ZNF563: variants seen among roughly 807,000 people sequenced by gnomAD.
The protein encoded by ZNF563 is zinc finger protein 563.
In ZNF563, 39 loss-of-function variants were observed where a neutral mutation model predicts 48.5. The observed-to-expected ratio is 0.80, with a 90% confidence interval of 0.62 to 1.05. The LOEUF (loss-of-function observed/expected upper bound fraction) is 1.05. ZNF563 is among the 50% of genes least tolerant of loss of function. The probability of loss-of-function intolerance (pLI) is 0.00; values close to 1 mark genes in which losing one functional copy is unlikely to be tolerated. For missense variants in ZNF563, 538 were observed against 597.0 expected (o/e 0.90, Z 1.03); for synonymous variants, 168 against 187.9 (o/e 0.89, Z 0.87).
intron 1 of ZNF563, among the ~76,000 whole-genome samples, chr19:12,330,408 T>C (rs2145817792): frequency 6.6e-6 from 1 of 152,294 alleles, no homozygotes; most frequent in African/African-American, 2.4e-5. Flanking sequence ...TACTGAGAAA[T>C]GAACAACTGT....
chr19:12,323,570 G>A (rs1395166664), intron 1 of ZNF563, among the ~76,000 whole-genome samples: 1 of 152,214 alleles, frequency 6.6e-6, no homozygotes, highest in Non-Finnish European at 1.5e-5. Context: ...CCACCAGCAA[G>A]AAGGTTCTCA....
At chr19:12,326,236 T>A (rs972582410) in intron 1 of ZNF563, among the ~76,000 whole-genome samples, 3 of 152,010 alleles carry the variant, frequency 2.0e-5, no homozygotes, top group Non-Finnish European at 4.4e-5. Flanking sequence ...AAAATAGATT[T>A]AAAAAATCAA....
chr19:12,334,607 G>A (rs1041628368), upstream of ZNF563, among the ~76,000 whole-genome samples: 1 of 152,146 alleles, frequency 6.6e-6, no homozygotes, highest in Non-Finnish European at 1.5e-5. Flanking sequence ...GGTGGCTCAC[G>A]CCTGCAATCC....
chr19:12,343,755 G>C, the ZNF563 span, among the ~76,000 whole-genome samples: 8 of 140,542 alleles, frequency 5.7e-5, no homozygotes, highest in Admixed American at 2.1e-4. Flanking sequence ...TTTTGAGATG[G>C]AGTCTCGCTC....
intron 1 of ZNF563, among the ~76,000 whole-genome samples, chr19:12,323,762 A>G (rs1331944674): frequency 2.0e-5 from 3 of 152,218 alleles, no homozygotes; most frequent in Non-Finnish European, 4.4e-5. Flanking sequence ...ATAAAATTTC[A>G]CATGTTTTTT....
chr19:12,333,605 C>G lies in ZNF563; in HGVS notation c.-123G>C. 1.4e-6 allele frequency: 2 copies of G among 1,382,196 alleles called. No homozygotes were observed. The highest frequency in any genetic ancestry group is 2.0e-6 in the Non-Finnish European group (2 of 1,012,132). The allele number at this position is 1,382,196 out of a possible 1,614,324, so 85.6% of individuals were successfully genotyped here. A position where few individuals can be genotyped will look rare whatever the true frequency, so the allele number is the denominator to read the frequency against. ...CTCTCAGCGACTGAGGCTACACAGA[C>G]GTTCCAGGGCGTCTCTCAGCGAGCG... On this transcript the variant is annotated 5_prime_UTR_variant, in exon 1 of 4. Transcript: ENST00000293725.
chr19:12,318,407 G>T lies in ZNF563; in HGVS notation c.*187C>A. The T allele has an allele frequency of 5.9e-6, 4 of 681,878 alleles. No homozygotes were observed. Among genetic ancestry groups the T allele is most frequent in the East Asian group, 2.9e-5 (1 of 35,008 alleles). 42.2% of individuals were successfully genotyped at this position (681,878 alleles called of 1,614,324 possible). A position where few individuals can be genotyped will look rare whatever the true frequency, so the allele number is the denominator to read the frequency against. On this transcript the variant is annotated 3_prime_UTR_variant, in exon 4 of 4. Transcript: ENST00000293725. ...TTGACAATGGTGTTAAAAAAAAATC[G>T]ATCACTTTCCCACATTCCTTATATC...
chr19:12,321,181 C>A, intron 3 of ZNF563, 91 bp downstream of exon 3: 1 of 894,672 alleles, frequency 1.1e-6, no homozygotes, highest in Non-Finnish European at 1.7e-6. Context: ...TAAATTTAAG[C>A]TGGACTTGTT....
intron 1 of ZNF563, among the ~76,000 whole-genome samples, chr19:12,331,510 CCCT>C (rs1033241571): frequency 4.6e-5 from 7 of 152,204 alleles, no homozygotes; most frequent in Admixed American, 2.6e-4. Context: ...CTATTTTACC[CCCT>C]CAATACCAGC....
upstream of ZNF563, among the ~76,000 whole-genome samples, chr19:12,336,088 G>T (rs1043689473): frequency 6.6e-6 from 1 of 152,114 alleles, no homozygotes; most frequent in African/African-American, 2.4e-5. Context: ...ATAAAAAATT[G>T]ACAATCTTGG....
At position 12,319,847 on chromosome 19, in the gene ZNF563, G is replaced by A. The variant is rs769058656; in HGVS notation, c.192-14C>T. 1 of 1,601,724 alleles carries A rather than the reference G, an allele frequency of 6.2e-7. No homozygotes were observed. The highest frequency in any genetic ancestry group is 1.7e-5 in the Admixed American group (1 of 58,992). ...ACCATATGACATCTGTAAAAAATGA[G>A]TAGTACGTTACTAAATAGTTGTTTC... On this transcript the variant is annotated splice_polypyrimidine_tract_variant and intron_variant, in intron 3 of 3. Transcript: ENST00000293725.
intron 2 of ZNF563, among the ~76,000 whole-genome samples, chr19:12,322,307 G>T (rs1326554875): frequency 1.3e-5 from 2 of 152,130 alleles, no homozygotes; most frequent in Non-Finnish European, 2.9e-5. Flanking sequence ...GCCCACCTTG[G>T]CCTCCCAACA....
rs759171929 is a variant in ZNF563, at chr19:12,321,262, T to G, written c.191+10A>C. The G allele has an allele frequency of 1.3e-6, 2 of 1,560,982 alleles. No homozygotes were observed. Among genetic ancestry groups the G allele is most frequent in the African/African-American group, 2.8e-5 (2 of 72,144 alleles). The stretch of plus-strand genomic sequence containing the variant: ...CAGAAACATAACTTTCTCCTGTGAG[T>G]GCAAATTACCTTAGATTTCTCCTAG... On this transcript the variant is annotated intron_variant, in intron 3 of 3. Transcript: ENST00000293725.
At chr19:12,320,208 C>T (rs1165970720) in intron 3 of ZNF563, among the ~76,000 whole-genome samples, 4 of 151,968 alleles carry the variant, frequency 2.6e-5, no homozygotes, top group African/African-American at 4.8e-5. Context: ...TGAGTCACTG[C>T]GCCTGGCCAG....
In ZNF563 at chr19:12,318,768, T is replaced by C; in HGVS notation, c.1257A>G (p.Lys419=). The part of the protein sequence containing the change: ...QRHEKSHSGE[K]PYECKQCGKA... ...TCCCACACTGCTTGCATTCATAGGG[T>C]TTCTCTCCACTGTGAGACTTTTCGT... The change falls in exon 4 of 4, where the codon AAA becomes AAG. Residue 419 remains lysine (K), a synonymous_variant. Coordinates refer to ENST00000293725, the MANE Select transcript of ZNF563 (RefSeq NM_145276.3). 1.2e-6 allele frequency: 2 copies of C among 1,614,224 alleles called. No individual in the cohort carries two copies. Among genetic ancestry groups the C allele is most frequent in the Non-Finnish European group, 1.7e-6 (2 of 1,180,038 alleles).
At chr19:12,338,013 G>A (rs1969036791), upstream of ZNF563, among the ~76,000 whole-genome samples, 1 of 152,122 alleles carries the variant, frequency 6.6e-6, no homozygotes, top group Non-Finnish European at 1.5e-5. Flanking sequence ...GAGGCAGGAG[G>A]ATCACTTGAG....
rs1199300773 is a variant in ZNF563, at chr19:12,318,775, C to A, written c.1250G>T (p.Gly417Val). 6.2e-7 allele frequency: 1 copy of A among 1,614,062 alleles called. No homozygotes were observed. Among genetic ancestry groups the A allele is most frequent in the Non-Finnish European group, 8.5e-7 (1 of 1,180,046 alleles). Residue 417 changes from glycine to valine, a missense_variant, in exon 4 of 4, where the codon GGA (glycine) becomes GTA (valine). By Grantham distance (109) the Gly-to-Val change is moderately radical. Transcript: ENST00000293725. The part of the protein sequence containing the change: ...VCQRHEKSHS[G>V]EKPYECKQCG... ...CTGCTTGCATTCATAGGGTTTCTCT[C>A]CACTGTGAGACTTTTCGTGTCTTTG... is the stretch of plus-strand genomic sequence containing the variant.
At chr19:12,332,762 C>G (rs1968954942) in intron 1 of ZNF563, among the ~76,000 whole-genome samples, 3 of 152,256 alleles carry the variant, frequency 2.0e-5, no homozygotes, top group Admixed American at 6.5e-5. Context: ...ATCAATCAGC[C>G]CAAGTTCCAT....
intron 1 of ZNF563, among the ~76,000 whole-genome samples, chr19:12,328,627 G>A (rs943331383): frequency 1.1e-4 from 17 of 151,884 alleles, no homozygotes; most frequent in Non-Finnish European, 1.8e-4. Context: ...ACAAATAGCC[G>A]GGCATGGTGG....
Sources: gnomAD v4.1 joint callset for allele counts (sites outside exome capture counted in the v4.1 genomes callset) on GRCh38, gnomAD v4.1.1 for gene constraint, MANE v1.5 for transcripts, NCBI Gene and HGNC (gene_info 2026-07-23, HGNC 2026-07-21) for gene names.